The following KLHDC2 variants were observed in gnomAD, a reference collection of about 807,000 sequenced individuals.
KLHDC2 encodes the protein kelch domain-containing protein 2.
A neutral mutation model predicts 62.3 loss-of-function variants in KLHDC2; 38 were observed. The ratio of observed to expected loss-of-function variants is 0.61; its 90% CI spans 0.47 to 0.80. The LOEUF (loss-of-function observed/expected upper bound fraction) is 0.80, where lower values mean the gene tolerates loss of function less well. Ranked by LOEUF, KLHDC2 falls within the 30% of genes least tolerant of loss-of-function variation. The pLI is 0.00. For synonymous variants in KLHDC2, 159 were observed against 161.0 expected, an observed-to-expected ratio of 0.99 and a Z score of 0.09; for missense variants, 430 against 495.3, an observed-to-expected ratio of 0.87 and a Z score of 1.25.
At chr14:49,779,252 G>C (rs1409704882) in intron 6 of KLHDC2, among the ~76,000 whole-genome samples, 1 of 152,110 alleles carries the variant, frequency 6.6e-6, no homozygotes. Flanking sequence ...ACTGCAATTT[G>C]TATTACTTAA....
At position 49,768,572 on chromosome 14, in the gene KLHDC2, A is replaced by G. The variant is rs1889593001; in HGVS notation, c.104A>G (p.His35Arg). 2 of 1,606,676 alleles carry G rather than the reference A, an allele frequency of 1.2e-6. No homozygotes were observed. Among genetic ancestry groups the G allele is most frequent in the Non-Finnish European group, 1.7e-6 (2 of 1,177,446 alleles). ...ELACPAERSG[H>R]VAVSDGRHMF... ...GCCTGCCCCGCTGAGCGCAGCGGCCACGTAGCCGTCAGCGACGGGCGCCAC... is the reference window on the plus strand; with the variant it reads ...GCCTGCCCCGCTGAGCGCAGCGGCCGCGTAGCCGTCAGCGACGGGCGCCAC... Residue 35 changes from histidine (H) to arginine (R), a missense_variant, in exon 1 of 13, where the codon CAC (histidine) becomes CGC (arginine). Physicochemically the swap from His to Arg is conservative, Grantham distance 29. Transcript: ENST00000298307.
rs182447352 is a variant in KLHDC2 at position 49,785,353 on chromosome 14, T to A, written c.*2400T>A. 2 of 1,442,186 alleles carry A rather than the reference T, an allele frequency of 1.4e-6. No individual in the cohort carries two copies. Among genetic ancestry groups the A allele is most frequent in the Non-Finnish European group, 2.0e-6 (2 of 1,023,694 alleles). 89.3% of individuals were successfully genotyped at this position (1,442,186 alleles called of 1,614,324 possible). A position where few individuals can be genotyped will look rare whatever the true frequency, so the allele number is the denominator to read the frequency against. On this transcript the variant is annotated 3_prime_UTR_variant, in exon 13 of 13. Coordinates refer to ENST00000298307, the MANE Select transcript of KLHDC2 (RefSeq NM_014315.3). Reference sequence around the variant, plus strand: ...GGGAAAATAACAGTTACAAAGGCAATTTATACCGCCCTTTACAAAAAATGC... The same window carrying A: ...GGGAAAATAACAGTTACAAAGGCAAATTATACCGCCCTTTACAAAAAATGC...
intron 3 of KLHDC2, among the ~76,000 whole-genome samples, chr14:49,776,136 T>C (rs914406899): frequency 6.6e-6 from 1 of 152,174 alleles, no homozygotes; most frequent in Non-Finnish European, 1.5e-5. Flanking sequence ...GGCTTTTGCT[T>C]AGTATTTTGC....
At chr14:49,774,337 G>T (rs768778847) in intron 2 of KLHDC2, among the ~76,000 whole-genome samples, 3 of 152,194 alleles carry the variant, frequency 2.0e-5, no homozygotes, top group Non-Finnish European at 4.4e-5. Flanking sequence ...AATCTCTCAT[G>T]CCTGTACACA....
intron 4 of KLHDC2, 77 bp from the exon 5 acceptor site, chr14:49,778,101 C>T (rs1889810261): frequency 9.8e-7 from 1 of 1,018,602 alleles, no homozygotes; most frequent in African/African-American, 1.6e-5. Context: ...GCATTTAACA[C>T]AGCACCTAAG....
At chr14:49,775,939 A>C (rs1410604231) in intron 3 of KLHDC2, among the ~76,000 whole-genome samples, 1 of 152,000 alleles carries the variant, frequency 6.6e-6, no homozygotes, top group Non-Finnish European at 1.5e-5. Context: ...AAATGTCTTA[A>C]TTATGGAAAT....
chr14:49,768,429 G>C lies in KLHDC2; in HGVS notation c.-40G>C. 1.3e-6 allele frequency: 2 copies of C among 1,590,842 alleles called. No homozygotes were observed. The highest frequency in any genetic ancestry group is 2.3e-5 in the South Asian group (2 of 88,262). On this transcript the variant is annotated 5_prime_UTR_variant, in exon 1 of 13. Coordinates refer to ENST00000298307, the MANE Select transcript of KLHDC2 (RefSeq NM_014315.3). ...TTCCTTTGTTTTTTTGGCCCCTCGC[G>C]GGTGTGGGCATTGTTGGTTAGCAAA...
Position 49,768,274 on chromosome 14 carries a change from G to C in KLHDC2, c.-195G>C, listed in dbSNP as rs1481555265. ...GCCCCTCTGTCTGCAGGCGTGCCCC[G>C]GCGGCGGCGGAGAGCCGTCCTCGGC... On this transcript the variant is annotated 5_prime_UTR_variant, in exon 1 of 13. Coordinates refer to ENST00000298307, the MANE Select transcript of KLHDC2 (RefSeq NM_014315.3). 1 of 536,130 alleles carries C rather than the reference G, an allele frequency of 1.9e-6. No individual in the cohort carries two copies. The highest frequency in any genetic ancestry group is 2.0e-5 in the African/African-American group (1 of 49,284). 33.2% of individuals were successfully genotyped at this position (536,130 alleles called of 1,614,324 possible). A position where few individuals can be genotyped will look rare whatever the true frequency, so the allele number is the denominator to read the frequency against.
intron 8 of KLHDC2, 184 bp downstream of exon 8, chr14:49,779,990 A>C (rs1382884999): frequency 1.6e-6 from 1 of 618,238 alleles, no homozygotes; most frequent in Non-Finnish European, 2.8e-6. Flanking sequence ...CTATGTGCCT[A>C]GTACATAGCA....
chr14:49,768,555 C>A lies in KLHDC2; in HGVS notation c.87C>A (p.Pro29=), dbSNP rs753465190. ...ESYESMELAC[P]AERSGHVAVS... is the part of the protein sequence containing the mutation. The stretch of plus-strand genomic sequence containing the variant: ...ATGAGTCCATGGAGCTTGCCTGCCC[C>A]GCTGAGCGCAGCGGCCACGTAGCCG... The change falls in exon 1 of 13, where the codon CCC becomes CCA. Residue 29 remains proline, a synonymous_variant. Coordinates refer to ENST00000298307, the MANE Select transcript of KLHDC2 (RefSeq NM_014315.3). 1.2e-6 allele frequency: 2 copies of A among 1,608,686 alleles called. No homozygotes were observed. Among genetic ancestry groups the A allele is most frequent in the African/African-American group, 1.3e-5 (1 of 74,616 alleles).
intron 6 of KLHDC2, among the ~76,000 whole-genome samples, chr14:49,779,260 T>G (rs1199068835): frequency 6.6e-6 from 1 of 152,254 alleles, no homozygotes; most frequent in African/African-American, 2.4e-5. Flanking sequence ...TTGTATTACT[T>G]AAATATTAGA....
Position 49,783,568 on chromosome 14 carries a change from G to T in KLHDC2, c.*615G>T, listed in dbSNP as rs1001161556. ...ATTAATAGGTTTTATAGCTCATGAA[G>T]GAATGGAAATAATGATGACATCATT... On this transcript the variant is annotated 3_prime_UTR_variant, in exon 13 of 13. Coordinates refer to ENST00000298307, the MANE Select transcript of KLHDC2 (RefSeq NM_014315.3). The T allele has an allele frequency of 1.1e-4, 16 of 151,904 alleles. No individual in the cohort carries two copies. The highest frequency in any genetic ancestry group is 3.9e-4 in the African/African-American group (16 of 41,374). The allele number at this position is 151,904 out of a possible 1,614,324, so 9.4% of individuals were successfully genotyped here.
chr14:49,770,226 G>A (rs1185936374), intron 1 of KLHDC2, among the ~76,000 whole-genome samples: 1 of 152,132 alleles, frequency 6.6e-6, no homozygotes, highest in East Asian at 1.9e-4. Context: ...TGAATTGGAT[G>A]GTTCTGAAAC....
intron 1 of KLHDC2, 68 bp downstream of exon 1, chr14:49,768,689 C>T (rs1566631488): frequency 1.4e-6 from 2 of 1,428,868 alleles, no homozygotes; most frequent in Non-Finnish European, 1.8e-6. Context: ...CGCGGCCAGG[C>T]GGGGAGGCCA....
intron 1 of KLHDC2, among the ~76,000 whole-genome samples, chr14:49,769,372 G>C (rs959321084): frequency 3.3e-5 from 5 of 152,110 alleles, no homozygotes; most frequent in African/African-American, 1.2e-4. Context: ...AATTTTATTT[G>C]CTAGGATGGC....
chr14:49,779,845 T>C (rs750334090), intron 8 of KLHDC2, 39 bp downstream of exon 8: 3 of 1,456,056 alleles, frequency 2.1e-6, no homozygotes, highest in South Asian at 1.1e-5. Context: ...AAAATTCAGA[T>C]TGTTTTTACC....
In KLHDC2 at chr14:49,779,734, T is replaced by A; in HGVS notation, c.715-14T>A. 1 of 1,610,146 alleles carries A rather than the reference T, an allele frequency of 6.2e-7. No homozygotes were observed. On this transcript the variant is annotated splice_polypyrimidine_tract_variant and intron_variant, in intron 7 of 12. Transcript: ENST00000298307. ...TGAATTCTTCAAAATGATAACTTAA[T>A]TATCCTTTTTTAGGATGCTAGAATG...
At chr14:49,771,943 A>G (rs1160643165) in intron 2 of KLHDC2, among the ~76,000 whole-genome samples, 3 of 152,194 alleles carry the variant, frequency 2.0e-5, no homozygotes, top group Non-Finnish European at 4.4e-5. Context: ...GTGAGCTGAG[A>G]TCGAGCCACT....
chr14:49,772,369 C>G (rs925723226), intron 2 of KLHDC2, among the ~76,000 whole-genome samples: 28 of 152,234 alleles, frequency 1.8e-4, no homozygotes, highest in African/African-American at 5.5e-4. Context: ...TTTTAATAAG[C>G]TCTCAAAATT....
Sources: allele counts gnomAD v4.1 joint callset (sites outside exome capture counted in the v4.1 genomes callset), GRCh38; gene constraint gnomAD v4.1.1; transcripts MANE v1.5; gene names NCBI Gene and HGNC (gene_info 2026-07-23, HGNC 2026-07-21).